ADCY4: variants seen among roughly 807,000 people sequenced by gnomAD.
ADCY4 encodes the protein adenylate cyclase 4.
A neutral mutation model predicts 125.5 loss-of-function variants in ADCY4; 111 were observed. That is an observed-to-expected ratio of 0.88 (90% CI 0.76 to 1.04). The LOEUF (loss-of-function observed/expected upper bound fraction) is 1.04, where lower values mean the gene tolerates loss of function less well. Among genes scored for constraint, ADCY4 ranks in the 50% least tolerant of loss-of-function variants. The pLI, the probability that ADCY4 is intolerant of heterozygous loss-of-function variation, is 0.00. For missense variants in ADCY4, 1,256 were observed against 1,382.9 expected (o/e 0.91, Z 1.46); for synonymous variants, 576 against 586.9 (o/e 0.98, Z 0.27).
Position 24,332,563 on chromosome 14 carries a change from G to A in ADCY4, c.478C>T (p.Leu160Phe), listed in dbSNP as rs543608476. Residue 160 changes from leucine to phenylalanine, a missense_variant, in exon 3 of 25, where the codon CTT becomes TTT. By Grantham distance (22) the Leu-to-Phe change is conservative. Coordinates refer to ENST00000418030, the MANE Select transcript of ADCY4 (RefSeq NM_001198568.2). Reference sequence around the variant, plus strand: ...GGCCGTGAGTCCGGCTGTGGCCCAAGATACAGCCCGAGGACCAGCAGATGC... The same window carrying A: ...GGCCGTGAGTCCGGCTGTGGCCCAAAATACAGCCCGAGGACCAGCAGATGC... ...LSHLLVLGLY[L>F]GPQPDSRPAL... 3.2e-6 allele frequency: 5 copies of A among 1,575,044 alleles called. No individual in the cohort carries two copies. In the East Asian group the frequency reaches 9.3e-5, roughly 29 times the overall value.
At chr14:24,330,411 T>C (rs531392842) in intron 6 of ADCY4, 116 bp from the exon 7 acceptor site, 83 of 1,459,764 alleles carry the variant, frequency 5.7e-5, no homozygotes, top group Admixed American at 1.4e-4. Flanking sequence ...CAAGGTGGGG[T>C]AGTGTCTAGA....
intron 20 of ADCY4, chr14:24,321,722 C>T: frequency 1.1e-6 from 1 of 894,332 alleles, no homozygotes; most frequent in Non-Finnish European, 1.4e-6. Context: ...TCACCTCCTG[C>T]TGTGTAGCCC....
rs2041872251 is a variant in ADCY4 at position 24,322,715 on chromosome 14, G to A, written c.2343-7C>T. 1.2e-6 allele frequency: 2 copies of A among 1,613,648 alleles called. No homozygotes were observed. The highest frequency in any genetic ancestry group is 1.1e-5 in the South Asian group (1 of 90,970). The stretch of plus-strand genomic sequence containing the variant: ...CTCCTTCAGCACTCCGGGCCTGAAG[G>A]GGCCATGGATCAGGGTGACCCCTTG... On this transcript the variant is annotated splice_region_variant and splice_polypyrimidine_tract_variant and intron_variant, in intron 18 of 24. Coordinates refer to ENST00000418030, the MANE Select transcript of ADCY4 (RefSeq NM_001198568.2).
chr14:24,323,444 G>A lies in ADCY4; in HGVS notation c.2057C>T (p.Pro686Leu), dbSNP rs1189844107. 3 of 1,553,270 alleles carry A rather than the reference G, an allele frequency of 1.9e-6. No individual in the cohort carries two copies. The highest frequency in any genetic ancestry group is 2.0e-5 in the Admixed American group (1 of 51,260). ...AMAITSLFFF[P>L]TSSDCPFQAP... ...TTGGAAAGGGCAGTCTGATGATGTT[G>A]GGAAGAAGAACTGCAGAGGAGATGA... Residue 686 changes from proline (P) to leucine (L), a missense_variant, in exon 17 of 25, where the codon CCA (proline) becomes CTA (leucine). By Grantham distance (98) the Pro-to-Leu change is moderately conservative. Coordinates refer to ENST00000418030, the MANE Select transcript of ADCY4 (RefSeq NM_001198568.2).
At chr14:24,326,895 G>GTTTTTTTTTTTTTTTTTTT (rs1319421096) in intron 10 of ADCY4, among the ~76,000 whole-genome samples, 1 of 47,920 alleles carries the variant, frequency 2.1e-5, no homozygotes, top group African/African-American at 8.3e-5. Flanking sequence ...TACCTGGCTG[G>GTTTTTTTTTTTTTTTTTTT]ATTTTTTTTT....
chr14:24,326,982 C>T (rs944804063), intron 10 of ADCY4, among the ~76,000 whole-genome samples: 18 of 147,896 alleles, frequency 1.2e-4, no homozygotes, highest in Admixed American at 1.0e-3. Context: ...CTGCAACCTC[C>T]GCCTTCCAGG....
In ADCY4 at chr14:24,332,049, T is replaced by C. The variant is rs543219082; in HGVS notation, c.520-112A>G. On this transcript the variant is annotated intron_variant, in intron 3 of 24. Coordinates refer to ENST00000418030, the MANE Select transcript of ADCY4 (RefSeq NM_001198568.2). ...AGACTGGGCTTTACAGTGAGGGACC[T>C]AACTATTGTGGGACAAGTGGTGCCA... is the stretch of plus-strand genomic sequence containing the variant. 8.7e-5 allele frequency: 114 copies of C among 1,303,044 alleles called. No homozygotes were observed. The African/African-American group carries it at 1.5e-3, about 17-fold the overall frequency. 80.7% of individuals were successfully genotyped at this position (1,303,044 alleles called of 1,614,324 possible). A position where few individuals can be genotyped will look rare whatever the true frequency, so the allele number is the denominator to read the frequency against.
In ADCY4 at chr14:24,332,887, G is replaced by T; in HGVS notation, c.261C>A (p.Arg87=). ...GLASREQRLQ[R]WTRPLSGLVW... ...CCAAGCCGGACAGGGGACGCGTCCA[G>T]CGCTGCAGTCGCTGCTCCCGGGAAG... Residue 87 remains arginine (R), a synonymous_variant, in exon 2 of 25, where the codon CGC becomes CGA. Transcript: ENST00000418030. 1 of 1,606,040 alleles carries T rather than the reference G, an allele frequency of 6.2e-7. No individual in the cohort carries two copies. Among genetic ancestry groups the T allele is most frequent in the Non-Finnish European group, 8.5e-7 (1 of 1,176,060 alleles).
intron 10 of ADCY4, 50 bp from the exon 11 acceptor site, chr14:24,326,392 A>G: frequency 1.2e-6 from 2 of 1,605,332 alleles, no homozygotes; most frequent in Non-Finnish European, 8.5e-7. Context: ...TTTTCCCTGC[A>G]GTGAGGTAGA....
At chr14:24,323,724 T>C (rs2041893766) in intron 16 of ADCY4, 6 of 914,540 alleles carry the variant, frequency 6.6e-6, no homozygotes, top group Non-Finnish European at 6.5e-6. Context: ...AGTTTCTTCT[T>C]CTGTAACTTG....
At chr14:24,330,992 G>A in intron 6 of ADCY4, 26 bp downstream of exon 6, 1 of 1,573,210 alleles carries the variant, frequency 6.4e-7, no homozygotes, top group Non-Finnish European at 8.7e-7. Flanking sequence ...GAGGGTCCCT[G>A]GGTGGGGAGG....
chr14:24,318,628 C>G (rs199633085), intron 24 of ADCY4, 26 bp downstream of exon 24: 101 of 1,614,008 alleles, frequency 6.3e-5, no homozygotes, highest in Non-Finnish European at 3.1e-5. Context: ...CCCCCTCCCC[C>G]TATGCCTCCA....
rs778579713 is a variant in ADCY4 at position 24,326,143 on chromosome 14, C to T, written c.1591G>A (p.Asp531Asn). The change falls in exon 12 of 25, where the codon GAT becomes AAT. Residue 531 changes from aspartate (D) to asparagine (N), a missense_variant. By Grantham distance (23) the Asp-to-Asn change is conservative. Transcript: ENST00000418030. ...LDRSRTPRGL[D>N]DELDTGDAKF... ...GCATCCCCGGTGTCCAGTTCATCAT[C>T]TAGTCCCCGGGGGGTACGGCTCCTG... 1.3e-6 allele frequency: 2 copies of T among 1,593,648 alleles called. No individual in the cohort carries two copies. The highest frequency in any genetic ancestry group is 1.7e-6 in the Non-Finnish European group (2 of 1,167,374).
chr14:24,333,117 GC>G, intron 1 of ADCY4, 129 bp from the exon 2 acceptor site: 1 of 857,620 alleles, frequency 1.2e-6, no homozygotes, highest in Non-Finnish European at 1.7e-6. Flanking sequence ...CGAAAAGGAG[GC>G]AAGGCACCTC....
In ADCY4 at chr14:24,324,645, G is replaced by A. The variant is rs552793130; in HGVS notation, c.1824-254C>T. Among the ~76,000 whole-genome samples the A allele has an allele frequency of 3.3e-4, 50 of 152,334 alleles. 1 individual carries two copies. The South Asian group carries it at 9.7e-3, about 30-fold the overall frequency. On this transcript the variant is annotated intron_variant, in intron 14 of 24. Transcript: ENST00000418030. ...GTGGGGGCTCACAAGAATGGCTGAGGCTACGGCAGACTGATCTCTGGGCCT... is the reference window on the plus strand; with the variant it reads ...GTGGGGGCTCACAAGAATGGCTGAGACTACGGCAGACTGATCTCTGGGCCT...
At chr14:24,326,868 A>C (rs2041954794) in intron 10 of ADCY4, among the ~76,000 whole-genome samples, 1 of 143,986 alleles carries the variant, frequency 6.9e-6, no homozygotes, top group Admixed American at 6.9e-5. Flanking sequence ...TGCTGGGATT[A>C]TAGGCATGAG....
At position 24,322,100 on chromosome 14, in the gene ADCY4, G is replaced by C; in HGVS notation, c.2552C>G (p.Ala851Gly). ...LLENVLPAHV[A>G]PQFIGQNRRN... ...CCGGTTCTGGCCAATGAACTGGGGG[G>C]CCACGTGTGCAGGGAGCACGTTCTC... is the stretch of plus-strand genomic sequence containing the variant. Residue 851 changes from alanine (A) to glycine (G), a missense_variant, in exon 20 of 25, where the codon GCC becomes GGC. Ala to Gly is a moderately conservative substitution (Grantham distance 60). Transcript: ENST00000418030. 1 of 1,613,922 alleles carries C rather than the reference G, an allele frequency of 6.2e-7. No individual in the cohort carries two copies.
intron 19 of ADCY4, 99 bp from the exon 20 acceptor site, chr14:24,322,323 AC>A: frequency 1.3e-5 from 18 of 1,350,820 alleles, no homozygotes; most frequent in Non-Finnish European, 1.8e-5. Context: ...AACCACCCCC[AC>A]CCCACCCCCA....
At position 24,322,981 on chromosome 14, in the gene ADCY4, G is replaced by A. The variant is rs1237785140; in HGVS notation, c.2265C>T (p.Cys755=). The change falls in exon 18 of 25, where the codon TGC becomes TGT. Residue 755 remains cysteine, a synonymous_variant. Coordinates refer to ENST00000418030, the MANE Select transcript of ADCY4 (RefSeq NM_001198568.2). ...LLLLLWLAAS[C]SLFLHSHAWL... is the part of the protein sequence containing the mutation. Reference sequence around the variant, plus strand: ...AGGCATGGGAGTGCAGGAAGAGGGAGCAGGATGCCGCCAGCCACAGCAGGA... The same window carrying A: ...AGGCATGGGAGTGCAGGAAGAGGGAACAGGATGCCGCCAGCCACAGCAGGA... 3.1e-6 allele frequency: 5 copies of A among 1,614,042 alleles called. No individual in the cohort carries two copies. The highest frequency in any genetic ancestry group is 4.2e-6 in the Non-Finnish European group (5 of 1,179,992).
Sources: allele counts gnomAD v4.1 joint callset (sites outside exome capture counted in the v4.1 genomes callset), GRCh38; gene constraint gnomAD v4.1.1; transcripts MANE v1.5; gene names NCBI Gene and HGNC (gene_info 2026-07-23, HGNC 2026-07-21).